Variants in DAB1 observed in about 807,000 individuals in gnomAD.
The protein encoded by DAB1 is disabled homolog 1.
In DAB1, 15 loss-of-function variants were observed where a neutral mutation model predicts 64.6. The observed-to-expected ratio is 0.23, with a 90% confidence interval of 0.16 to 0.36. The LOEUF is 0.36. Among genes scored for constraint, DAB1 ranks in the 10% least tolerant of loss-of-function variants. The pLI, the probability that DAB1 is intolerant of heterozygous loss-of-function variation, is 1.00. For missense variants in DAB1, 596 were observed against 706.7 expected (o/e 0.84, Z 1.78); for synonymous variants, 235 against 251.9 (o/e 0.93, Z 0.64).
At chr1:57,520,313 T>C (rs1339359070) in intron 7 of DAB1, among the ~76,000 whole-genome samples, 1 of 152,230 alleles carries the variant, frequency 6.6e-6, no homozygotes, top group Non-Finnish European at 1.5e-5. Context: ...ATTCTAAACA[T>C]GTTTACCAAT....
At chr1:58,290,270 G>A (rs1661783311) in intron 4 of DAB1, among the ~76,000 whole-genome samples, 1 of 152,170 alleles carries the variant, frequency 6.6e-6, no homozygotes, top group Non-Finnish European at 1.5e-5. Context: ...TCAGGGAAGA[G>A]CAAACTAGGC....
rs373842511 is a variant in DAB1 at position 57,231,435 on chromosome 1, A to G, written c.67+59529T>C. ...TGAGCTTCATGAGACCGTCTCTTTC[A>G]TGTCTGTACACCCTCTATCAAATAC... On this transcript the variant is annotated intron_variant, in intron 2 of 14. Transcript: ENST00000371236. Among the ~76,000 whole-genome samples, 84 of 152,274 alleles carry G rather than the reference A, an allele frequency of 5.5e-4. 1 individual carries two copies. The South Asian group carries it at 0.015, about 26-fold the overall frequency.
chr1:58,431,740 T>G (rs1644877086), intron 3 of DAB1, among the ~76,000 whole-genome samples: 1 of 152,174 alleles, frequency 6.6e-6, no homozygotes, highest in South Asian at 2.1e-4. Context: ...CTTCCCTTTT[T>G]TTTTCTTTCC....
chr1:57,937,864 C>A (rs1409598741), intron 5 of DAB1, among the ~76,000 whole-genome samples: 1 of 152,146 alleles, frequency 6.6e-6, no homozygotes, highest in African/African-American at 2.4e-5. Flanking sequence ...CCTCTGTTCC[C>A]TTCTGTTTCA....
At chr1:57,292,915 G>A (rs1672895424) in intron 1 of DAB1, among the ~76,000 whole-genome samples, 1 of 152,200 alleles carries the variant, frequency 6.6e-6, no homozygotes, top group Non-Finnish European at 1.5e-5. Flanking sequence ...TGCTTGGAAG[G>A]GTTAATAAAG....
intron 3 of DAB1, among the ~76,000 whole-genome samples, chr1:58,453,025 C>A (rs1254166879): frequency 6.6e-6 from 1 of 152,162 alleles, no homozygotes; most frequent in African/African-American, 2.4e-5. Context: ...CGTGGATAAA[C>A]ACATTGCAGT....
At chr1:57,686,205 AC>A (rs1646695792) in intron 6 of DAB1, among the ~76,000 whole-genome samples, 1 of 152,194 alleles carries the variant, frequency 6.6e-6, no homozygotes. Context: ...ATCAGAAATG[AC>A]AAAGATGACA....
chr1:58,508,137 G>T (rs1344152048), intron 2 of DAB1, among the ~76,000 whole-genome samples: 1 of 152,102 alleles, frequency 6.6e-6, no homozygotes, highest in Admixed American at 6.6e-5. Context: ...TATCCCTACA[G>T]ACTAGAAAGT....
At chr1:57,187,699 G>A (rs1663712173) in intron 2 of DAB1, among the ~76,000 whole-genome samples, 1 of 152,182 alleles carries the variant, frequency 6.6e-6, no homozygotes, top group African/African-American at 2.4e-5. Flanking sequence ...CTAAAAAGAG[G>A]TTAAGAAACT....
At chr1:57,778,282 T>C (rs999945103) in intron 6 of DAB1, among the ~76,000 whole-genome samples, 2 of 151,968 alleles carry the variant, frequency 1.3e-5, no homozygotes, top group African/African-American at 4.8e-5. Flanking sequence ...CAATTTCTTC[T>C]TTGAAATTAT....
intron 2 of DAB1, among the ~76,000 whole-genome samples, chr1:58,517,959 G>T (rs1047317480): frequency 6.6e-6 from 1 of 151,466 alleles, no homozygotes; most frequent in Non-Finnish European, 1.5e-5. Context: ...GGCCAAAGTG[G>T]GTGGGTCACC....
chr1:58,275,426 T>C (rs1488747588), intron 4 of DAB1, among the ~76,000 whole-genome samples: 4 of 152,144 alleles, frequency 2.6e-5, no homozygotes, highest in Non-Finnish European at 4.4e-5. Context: ...AAATCATATA[T>C]CTGATACAGA....
intron 9 of DAB1, among the ~76,000 whole-genome samples, chr1:57,033,175 C>CAT (rs137868465): frequency 0.014 from 2,138 of 150,390 alleles, 50 homozygotes; most frequent in African/African-American, 0.049. Flanking sequence ...TTTGTTTACA[C>CAT]ACACACACAC....
At chr1:57,123,764 GA>G (rs1200062347) in intron 4 of DAB1, among the ~76,000 whole-genome samples, 1 of 152,044 alleles carries the variant, frequency 6.6e-6, no homozygotes, top group East Asian at 1.9e-4. Flanking sequence ...ATAATTAGTG[GA>G]AAAATGTGGA....
chr1:58,121,168 C>T (rs1056118050), intron 5 of DAB1, among the ~76,000 whole-genome samples: 1 of 152,036 alleles, frequency 6.6e-6, no homozygotes, highest in African/African-American at 2.4e-5. Flanking sequence ...CACTTCATGC[C>T]ACAAGGTTCT....
upstream of DAB1, among the ~76,000 whole-genome samples, chr1:57,887,128 G>A (rs1014965330): frequency 6.6e-6 from 1 of 152,114 alleles, no homozygotes; most frequent in Non-Finnish European, 1.5e-5. Context: ...GGGACTTCAA[G>A]ATCAGCTCCA....
intron 4 of DAB1, among the ~76,000 whole-genome samples, chr1:58,175,521 G>T (rs1387802802): frequency 6.6e-6 from 1 of 152,160 alleles, no homozygotes; most frequent in African/African-American, 2.4e-5. Flanking sequence ...TAGCCATTCT[G>T]TTCAGTATTT....
At position 57,011,136 on chromosome 1, in the gene DAB1, G is replaced by C. The variant is rs1471676631; in HGVS notation, c.1572+9C>G. ...AAAAACACAAACAAATAACAAACTGGTCACTTACAGCTTCTTGCTCTTCGC... is the reference window on the plus strand; with the variant it reads ...AAAAACACAAACAAATAACAAACTGCTCACTTACAGCTTCTTGCTCTTCGC... On this transcript the variant is annotated intron_variant, in intron 13 of 14. Coordinates refer to ENST00000371236, the MANE Select transcript of DAB1 (RefSeq NM_001365792.1). 6 of 1,613,814 alleles carry C rather than the reference G, an allele frequency of 3.7e-6. No homozygotes were observed. Among genetic ancestry groups the C allele is most frequent in the Non-Finnish European group, 8.5e-7 (1 of 1,179,806 alleles).
At chr1:57,068,363 G>A (rs1052890801) in intron 8 of DAB1, among the ~76,000 whole-genome samples, 1 of 152,174 alleles carries the variant, frequency 6.6e-6, no homozygotes, top group African/African-American at 2.4e-5. Flanking sequence ...CCAGTGGAGA[G>A]AAAATATTAT....
Sources: allele counts gnomAD v4.1 joint callset (sites outside exome capture counted in the v4.1 genomes callset), GRCh38; gene constraint gnomAD v4.1.1; transcripts MANE v1.5; gene names NCBI Gene and HGNC (gene_info 2026-07-23, HGNC 2026-07-21).